PROS1: variants seen among roughly 807,000 people sequenced by gnomAD.
The protein encoded by PROS1 is vitamin K-dependent protein S.
PROS1 carries 29 observed loss-of-function variants against 75.9 expected under a neutral mutation model. That is an observed-to-expected ratio of 0.38 (90% CI 0.28 to 0.52). The LOEUF (loss-of-function observed/expected upper bound fraction) is 0.52, where lower values mean the gene tolerates loss of function less well. Ranked by LOEUF, PROS1 falls within the 20% of genes least tolerant of loss-of-function variation. The probability of loss-of-function intolerance (pLI) is 0.83; values close to 1 mark genes in which losing one functional copy is unlikely to be tolerated. For synonymous variants in PROS1, 245 were observed against 280.6 expected, an observed-to-expected ratio of 0.87 and a Z score of 1.27; for missense variants, 680 against 810.3, an observed-to-expected ratio of 0.84 and a Z score of 1.95.
intron 1 of PROS1, among the ~76,000 whole-genome samples, chr3:93,962,488 G>A (rs79348279): frequency 0.016 from 2,398 of 152,228 alleles, 32 homozygotes; most frequent in Middle Eastern, 0.071. Flanking sequence ...TTTTCTCCCA[G>A]TTTCTCCAAA....
chr3:93,964,847 T>C (rs1361959947), intron 1 of PROS1, among the ~76,000 whole-genome samples: 4 of 152,142 alleles, frequency 2.6e-5, no homozygotes, highest in Non-Finnish European at 5.9e-5. Flanking sequence ...TCTTTCTCTT[T>C]ATTTCTCAGC....
chr3:93,886,737 G>A (rs1708354189), intron 10 of PROS1, among the ~76,000 whole-genome samples: 1 of 152,014 alleles, frequency 6.6e-6, no homozygotes, highest in African/African-American at 2.4e-5. Flanking sequence ...ATATTTTAAA[G>A]TTAAAAAAAA....
intron 7 of PROS1, among the ~76,000 whole-genome samples, chr3:93,899,721 T>C (rs1249813546): frequency 6.6e-6 from 1 of 152,136 alleles, no homozygotes; most frequent in African/African-American, 2.4e-5. Context: ...TTATTATTGA[T>C]TTAGGCAACT....
intron 3 of PROS1, 104 bp downstream of exon 3, chr3:93,924,136 A>T: frequency 1.3e-6 from 1 of 750,528 alleles, no homozygotes; most frequent in Non-Finnish European, 1.8e-6. Context: ...CCCAAGGATA[A>T]TGAAATTACA....
chr3:93,945,191 G>A (rs1709365005), intron 1 of PROS1, among the ~76,000 whole-genome samples: 1 of 152,126 alleles, frequency 6.6e-6, no homozygotes, highest in South Asian at 2.1e-4. Context: ...AAAAGTCCAG[G>A]ACCAGACGGA....
intron 1 of PROS1, among the ~76,000 whole-genome samples, chr3:93,937,129 A>G (rs1709195595): frequency 6.6e-6 from 1 of 152,142 alleles, no homozygotes; most frequent in Admixed American, 6.5e-5. Context: ...AGCATCAGCA[A>G]GCTACTGCCT....
chr3:93,913,676 T>C (rs1708794988), intron 3 of PROS1, among the ~76,000 whole-genome samples: 1 of 152,210 alleles, frequency 6.6e-6, no homozygotes, highest in South Asian at 2.1e-4. Flanking sequence ...CCTCTTTTCT[T>C]TATAAATTAT....
intron 1 of PROS1, among the ~76,000 whole-genome samples, chr3:93,940,285 G>T (rs1709263010): frequency 6.6e-6 from 1 of 152,132 alleles, no homozygotes; most frequent in Admixed American, 6.5e-5. Context: ...GACTGACACT[G>T]CCCGATTGCC....
chr3:93,918,516 G>C (rs1050756474), intron 3 of PROS1, among the ~76,000 whole-genome samples: 1 of 152,036 alleles, frequency 6.6e-6, no homozygotes, highest in Non-Finnish European at 1.5e-5. Flanking sequence ...CTGAGCCAGC[G>C]AGACCACAAA....
At chr3:93,952,965 A>T (rs1709531101) in intron 1 of PROS1, among the ~76,000 whole-genome samples, 1 of 152,218 alleles carries the variant, frequency 6.6e-6, no homozygotes, top group African/African-American at 2.4e-5. Flanking sequence ...ATGCAAATCA[A>T]CCAGAAAATC....
chr3:93,924,043 TG>T, intron 3 of PROS1, among the ~76,000 whole-genome samples, 196 bp downstream of exon 3: 1 of 152,278 alleles, frequency 6.6e-6, no homozygotes, highest in East Asian at 1.9e-4. Flanking sequence ...AAATGTCACA[TG>T]GTAATTAAAG....
Position 93,973,793 on chromosome 3 carries a change from G to A in PROS1, c.-44C>T, listed in dbSNP as rs1219374823. The A allele has an allele frequency of 6.5e-7, 1 of 1,545,718 alleles. No individual in the cohort carries two copies. The highest frequency in any genetic ancestry group is 8.8e-7 in the Non-Finnish European group (1 of 1,132,438). ...GCCGGCAGGGACGGTGGCGCGTCGC[G>A]GCGGGGACCGGAGCGCTAGGCGCCG... is the stretch of plus-strand genomic sequence containing the variant. On this transcript the variant is annotated 5_prime_UTR_variant, in exon 1 of 15. Transcript: ENST00000394236.
intron 3 of PROS1, chr3:93,910,946 A>C (rs1708751089): frequency 6.2e-6 from 3 of 480,230 alleles, no homozygotes; most frequent in Non-Finnish European, 1.1e-5. Context: ...TTCTCTCTGG[A>C]GAAGAACCTT....
chr3:93,928,874 TTCAAA>T (rs1709065851), intron 1 of PROS1: 1 of 538,006 alleles, frequency 1.9e-6, no homozygotes, highest in Non-Finnish European at 2.9e-6. Flanking sequence ...TTATAAAGTG[TTCAAA>T]TCAAACTATT....
intron 3 of PROS1, among the ~76,000 whole-genome samples, chr3:93,912,545 C>T (rs1708774695): frequency 6.6e-6 from 1 of 152,108 alleles, no homozygotes; most frequent in South Asian, 2.1e-4. Context: ...TTACCTTACA[C>T]ATTGTGGGGG....
rs567143012 is a variant in PROS1 at position 93,939,014 on chromosome 3, C to T, written c.77-11607G>A. ...GCTTGCCTCCTTCACTATGGGCAAC[C>T]TTCCACCCTCTATTCCCCCTTCTTC... is the stretch of plus-strand genomic sequence containing the variant. On this transcript the variant is annotated intron_variant, in intron 1 of 14. Transcript: ENST00000394236. Among the ~76,000 whole-genome samples, 13 of 152,026 alleles carry T rather than the reference C, an allele frequency of 8.6e-5. No individual in the cohort carries two copies. In the South Asian group the frequency reaches 1.2e-3, roughly 15 times the overall value.
chr3:93,877,817 T>C (rs1308201302), intron 13 of PROS1, among the ~76,000 whole-genome samples: 3 of 152,212 alleles, frequency 2.0e-5, no homozygotes, highest in South Asian at 2.1e-4. Context: ...TTGAGTGTGA[T>C]CTCTTCATAT....
At chr3:93,960,422 C>T (rs1335559637) in intron 1 of PROS1, among the ~76,000 whole-genome samples, 4 of 151,684 alleles carry the variant, frequency 2.6e-5, no homozygotes, top group East Asian at 1.9e-4. Context: ...GAGATCCGCC[C>T]GCCTCGGCCT....
chr3:93,944,038 G>C (rs1709338908), intron 1 of PROS1, among the ~76,000 whole-genome samples: 1 of 152,190 alleles, frequency 6.6e-6, no homozygotes, highest in Non-Finnish European at 1.5e-5. Context: ...CACAAAGCCT[G>C]TTTGGTAGTC....
Sources: gnomAD v4.1 joint callset for allele counts (sites outside exome capture counted in the v4.1 genomes callset) on GRCh38, gnomAD v4.1.1 for gene constraint, MANE v1.5 for transcripts, NCBI Gene and HGNC (gene_info 2026-07-23, HGNC 2026-07-21) for gene names.